Variants in KCNH8 observed in about 807,000 individuals in gnomAD.
The protein encoded by KCNH8 is potassium voltage-gated channel subfamily H member 8.
KCNH8 carries 70 observed loss-of-function variants against 103.6 expected under a neutral mutation model. That is an observed-to-expected ratio of 0.68 (90% CI 0.56 to 0.82). The LOEUF (loss-of-function observed/expected upper bound fraction) is 0.82, where lower values mean the gene tolerates loss of function less well. Ranked by LOEUF, KCNH8 falls within the 40% of genes least tolerant of loss-of-function variation. The pLI, the probability that KCNH8 is intolerant of heterozygous loss-of-function variation, is 0.00. For missense variants in KCNH8, 1,217 were observed against 1,329.9 expected, an observed-to-expected ratio of 0.92 and a Z score of 1.32; for synonymous variants, 498 against 489.4, an observed-to-expected ratio of 1.02 and a Z score of -0.23.
chr3:19,213,803 G>T (rs894172200), intron 1 of KCNH8, among the ~76,000 whole-genome samples: 2 of 152,180 alleles, frequency 1.3e-5, no homozygotes, highest in Non-Finnish European at 2.9e-5. Flanking sequence ...AAAAGGCTTT[G>T]CAGGCTTTTT....
intron 11 of KCNH8, among the ~76,000 whole-genome samples, chr3:19,466,233 GCTT>G (rs2067733166): frequency 6.6e-6 from 1 of 152,106 alleles, no homozygotes; most frequent in Non-Finnish European, 1.5e-5. Flanking sequence ...GCCAGGAGTT[GCTT>G]CTTATGAATG....
At chr3:19,200,268 CT>C (rs1199059280) in intron 1 of KCNH8, among the ~76,000 whole-genome samples, 2 of 151,792 alleles carry the variant, frequency 1.3e-5, no homozygotes. Context: ...CTAAATGTGG[CT>C]GAAAATGTAT....
intron 5 of KCNH8, among the ~76,000 whole-genome samples, chr3:19,366,340 A>G (rs956947729): frequency 2.0e-5 from 3 of 152,080 alleles, no homozygotes; most frequent in Non-Finnish European, 4.4e-5. Context: ...GTGTACCTGA[A>G]TGTTTAAATT....
chr3:19,149,439 G>T (rs2063107270), intron 1 of KCNH8, among the ~76,000 whole-genome samples: 2 of 151,296 alleles, frequency 1.3e-5, no homozygotes, highest in South Asian at 4.2e-4. Context: ...GATGATAAGA[G>T]AAAGTTTTTA....
rs558361940 is a variant in KCNH8 at position 19,444,164 on chromosome 3, T to C, written c.1375+5803T>C. 4.6e-5 allele frequency among the ~76,000 whole-genome samples: 7 copies of C among 152,034 alleles called. No homozygotes were observed. In the South Asian group the frequency reaches 6.2e-4, roughly 14 times the overall value. On this transcript the variant is annotated intron_variant, in intron 8 of 15. Coordinates refer to ENST00000328405, the MANE Select transcript of KCNH8 (RefSeq NM_144633.3). ...ATTTCAAAGTTACAGTAATTAAGAGTGTATGGTGTTTGTTCAATAACAGAC... is the reference window on the plus strand; with the variant it reads ...ATTTCAAAGTTACAGTAATTAAGAGCGTATGGTGTTTGTTCAATAACAGAC...
intron 3 of KCNH8, 126 bp downstream of exon 3, chr3:19,281,455 A>C: frequency 2.5e-6 from 2 of 814,148 alleles, no homozygotes; most frequent in South Asian, 1.8e-5. Flanking sequence ...AACTGTTAGC[A>C]GTCAGCATTT....
chr3:19,305,906 A>C (rs1014839146), intron 3 of KCNH8, among the ~76,000 whole-genome samples: 5 of 152,058 alleles, frequency 3.3e-5, no homozygotes, highest in African/African-American at 1.2e-4. Context: ...CCAAAGTCTC[A>C]TTTGTTATAT....
chr3:19,424,506 T>A (rs1007889193), intron 7 of KCNH8, among the ~76,000 whole-genome samples: 1 of 152,082 alleles, frequency 6.6e-6, no homozygotes, highest in African/African-American at 2.4e-5. Context: ...ACCATAAAAA[T>A]TCTATAATAT....
In KCNH8 at chr3:19,173,287, C is replaced by T. The variant is rs764197653; in HGVS notation, c.76+24492C>T. Among the ~76,000 whole-genome samples the T allele has an allele frequency of 4.1e-4, 63 of 152,194 alleles. 1 individual carries two copies. Among genetic ancestry groups the T allele is most frequent in the African/African-American group, 1.3e-3 (52 of 41,530 alleles). ...AGTGATTTCTCCCTGAGCACTGGAC[C>T]GGCAATGTGAGTGCCTTGGGCAATG... On this transcript the variant is annotated intron_variant, in intron 1 of 15. Coordinates refer to ENST00000328405, the MANE Select transcript of KCNH8 (RefSeq NM_144633.3).
intron 11 of KCNH8, among the ~76,000 whole-genome samples, chr3:19,486,802 T>C (rs1046682948): frequency 6.6e-6 from 1 of 152,186 alleles, no homozygotes; most frequent in Admixed American, 6.5e-5. Context: ...TTACAGCTCG[T>C]AGGAATTCCC....
chr3:19,359,153 A>T (rs2065916770), intron 5 of KCNH8, among the ~76,000 whole-genome samples: 1 of 149,342 alleles, frequency 6.7e-6, no homozygotes, highest in African/African-American at 2.4e-5. Flanking sequence ...TAAATCTAAT[A>T]CAAAATTACT....
At chr3:19,262,691 A>G (rs1163312334) in intron 2 of KCNH8, among the ~76,000 whole-genome samples, 4 of 152,024 alleles carry the variant, frequency 2.6e-5, no homozygotes, top group African/African-American at 9.7e-5. Context: ...GTTGTATCCA[A>G]ATGAGTGTTT....
intron 15 of KCNH8, among the ~76,000 whole-genome samples, chr3:19,527,333 A>ATACTT (rs1437478421): frequency 2.0e-5 from 3 of 152,214 alleles, no homozygotes; most frequent in Middle Eastern, 6.8e-3. Flanking sequence ...TTTAAGCTAA[A>ATACTT]TACTTTCTGG....
intron 11 of KCNH8, among the ~76,000 whole-genome samples, chr3:19,463,490 A>G (rs1265534327): frequency 6.6e-6 from 1 of 151,998 alleles, no homozygotes; most frequent in African/African-American, 2.4e-5. Context: ...ATGAAGAAAC[A>G]CAAAAGACAA....
rs529012046 is a variant in KCNH8, at chr3:19,508,743, C to A, written c.2041-1620C>A. On this transcript the variant is annotated intron_variant, in intron 11 of 15. Transcript: ENST00000328405. ...AGGCCCCACCTCAGACCTCCCATGT[C>A]AGAATCTGCATTTTAATGAGATCCC... 8.7e-4 allele frequency among the ~76,000 whole-genome samples: 133 copies of A among 152,276 alleles called. 1 individual carries two copies. Among genetic ancestry groups the A allele is most frequent in the African/African-American group, 2.5e-3 (103 of 41,564 alleles).
At chr3:19,426,724 A>G (rs1325229035) in intron 7 of KCNH8, among the ~76,000 whole-genome samples, 3 of 152,094 alleles carry the variant, frequency 2.0e-5, no homozygotes, top group Admixed American at 2.0e-4. Flanking sequence ...TTGAACACCC[A>G]AAACTGTGAC....
chr3:19,329,941 C>G (rs1487235970), intron 3 of KCNH8, among the ~76,000 whole-genome samples: 1 of 150,274 alleles, frequency 6.7e-6, no homozygotes, highest in African/African-American at 2.4e-5. Flanking sequence ...CCTTCTAACA[C>G]TTGTATTTGG....
chr3:19,365,488 G>T (rs1276388923), intron 5 of KCNH8, among the ~76,000 whole-genome samples: 2 of 151,508 alleles, frequency 1.3e-5, no homozygotes, highest in Non-Finnish European at 2.9e-5. Context: ...TGATTATTTA[G>T]TTTATATAAC....
At chr3:19,426,154 G>A (rs910431971) in intron 7 of KCNH8, among the ~76,000 whole-genome samples, 2 of 152,102 alleles carry the variant, frequency 1.3e-5, no homozygotes, top group African/African-American at 4.8e-5. Flanking sequence ...AATCCCTGAT[G>A]CTACTCCCTT....
Sources: allele counts gnomAD v4.1 joint callset (sites outside exome capture counted in the v4.1 genomes callset), GRCh38; gene constraint gnomAD v4.1.1; transcripts MANE v1.5; gene names NCBI Gene and HGNC (gene_info 2026-07-23, HGNC 2026-07-21).